Variants in SCFD2 observed in about 807,000 individuals in gnomAD.
SCFD2 encodes the protein sec1 family domain-containing protein 2.
A neutral mutation model predicts 58.9 loss-of-function variants in SCFD2; 54 were observed. The observed-to-expected ratio is 0.92, with a 90% CI of 0.74 to 1.15. SCFD2 has a LOEUF of 1.15. Ranked by LOEUF, SCFD2 falls within the 50% of genes most tolerant of loss-of-function variation. SCFD2 has a pLI of 0.00. For synonymous variants in SCFD2, 321 were observed against 335.9 expected, an observed-to-expected ratio of 0.96 and a Z score of 0.49; for missense variants, 805 against 836.6, an observed-to-expected ratio of 0.96 and a Z score of 0.47.
chr4:53,273,125 T>C (rs1731226169), intron 4 of SCFD2, among the ~76,000 whole-genome samples: 1 of 152,166 alleles, frequency 6.6e-6, no homozygotes, highest in Admixed American at 6.5e-5. Context: ...AAAGGATCCA[T>C]GATAAATATG....
intron 5 of SCFD2, chr4:52,948,351 C>A (rs1720496253): frequency 1.0e-5 from 3 of 289,114 alleles, no homozygotes; most frequent in Non-Finnish European, 2.1e-5. Flanking sequence ...AATGATGATG[C>A]AGCTGCGGCA....
At chr4:53,076,502 C>G (rs1326802229) in intron 5 of SCFD2, among the ~76,000 whole-genome samples, 1 of 152,038 alleles carries the variant, frequency 6.6e-6, no homozygotes, top group Admixed American at 6.6e-5. Context: ...CAGACTCATT[C>G]CCAAGCCACT....
intron 5 of SCFD2, among the ~76,000 whole-genome samples, chr4:53,013,179 T>C (rs1490918371): frequency 6.6e-6 from 1 of 152,208 alleles, no homozygotes; most frequent in Non-Finnish European, 1.5e-5. Flanking sequence ...CCTTTACACC[T>C]ACAGTACTTT....
intron 4 of SCFD2, among the ~76,000 whole-genome samples, chr4:53,220,310 T>C (rs1338524045): frequency 6.6e-6 from 1 of 152,236 alleles, no homozygotes; most frequent in Non-Finnish European, 1.5e-5. Context: ...TTATCATATA[T>C]ACCTATTAAT....
chr4:53,308,767 A>C (rs1165764835), intron 3 of SCFD2, among the ~76,000 whole-genome samples: 1 of 152,204 alleles, frequency 6.6e-6, no homozygotes. Flanking sequence ...TAAATGTTGA[A>C]ATTCAGAAAT....
At position 52,948,106 on chromosome 4, in the gene SCFD2, T is replaced by C. The variant is rs1016152854; in HGVS notation, c.1562-27236A>G. ...ATTTAAAGGTGTGATACTACCCAAA[T>C]CCATATGGGATACAGCAGAGGCTGG... On this transcript the variant is annotated intron_variant, in intron 5 of 8. Transcript: ENST00000401642. Among the ~76,000 whole-genome samples the C allele has an allele frequency of 1.6e-4, 24 of 151,226 alleles. 1 individual carries two copies. Among genetic ancestry groups the C allele is most frequent in the Admixed American group, 1.5e-3 (22 of 15,136 alleles).
At chr4:53,299,037 C>T (rs1732162994) in intron 3 of SCFD2, among the ~76,000 whole-genome samples, 1 of 152,172 alleles carries the variant, frequency 6.6e-6, no homozygotes. Context: ...AATCAGAGCG[C>T]TTCTACTCCT....
chr4:53,185,159 T>A (rs1195539289), intron 4 of SCFD2, among the ~76,000 whole-genome samples: 2 of 152,038 alleles, frequency 1.3e-5, no homozygotes, highest in Non-Finnish European at 2.9e-5. Flanking sequence ...GTAACAAAAT[T>A]CTTTTGAAAT....
Position 53,155,334 on chromosome 4 carries a change from G to T in SCFD2, c.1312-9752C>A, listed in dbSNP as rs142025773. On this transcript the variant is annotated intron_variant, in intron 4 of 8. Coordinates refer to ENST00000401642, the MANE Select transcript of SCFD2 (RefSeq NM_152540.4). ...TACCCTCATGGGTGGGACTGGTGCA[G>T]TTATAAAGCAGCAAATTCAGCCCTC... Among the ~76,000 whole-genome samples, 73 of 152,214 alleles carry T rather than the reference G, an allele frequency of 4.8e-4. 1 individual carries two copies. Among genetic ancestry groups the T allele is most frequent in the Non-Finnish European group, 6.5e-4 (44 of 68,050 alleles).
intron 5 of SCFD2, among the ~76,000 whole-genome samples, chr4:53,127,390 T>G (rs1361041452): frequency 6.6e-6 from 1 of 152,200 alleles, no homozygotes; most frequent in Non-Finnish European, 1.5e-5. Context: ...AAATATTTAT[T>G]AAGAGTCTTC....
intron 5 of SCFD2, among the ~76,000 whole-genome samples, chr4:53,064,008 C>T (rs1331614932): frequency 2.6e-5 from 4 of 151,998 alleles, no homozygotes; most frequent in Non-Finnish European, 4.4e-5. Context: ...TCTTTCTTTC[C>T]TTCCTTTTTA....
At chr4:53,206,913 G>A (rs1417731888) in intron 4 of SCFD2, among the ~76,000 whole-genome samples, 1 of 152,072 alleles carries the variant, frequency 6.6e-6, no homozygotes, top group Admixed American at 6.5e-5. Flanking sequence ...AGAATACAAA[G>A]ACTAAGTAAT....
At chr4:53,176,864 A>T (rs1302698127) in intron 4 of SCFD2, among the ~76,000 whole-genome samples, 1 of 151,140 alleles carries the variant, frequency 6.6e-6, no homozygotes, top group East Asian at 2.0e-4. Flanking sequence ...CAGGAGAATC[A>T]CTTGAACCCG....
At chr4:53,044,195 C>T (rs948558873) in intron 5 of SCFD2, among the ~76,000 whole-genome samples, 1 of 152,066 alleles carries the variant, frequency 6.6e-6, no homozygotes, top group Non-Finnish European at 1.5e-5. Flanking sequence ...AATCTTTAAT[C>T]CCCAATTCCC....
intron 5 of SCFD2, among the ~76,000 whole-genome samples, chr4:53,025,432 A>C (rs934747763): frequency 2.6e-5 from 4 of 152,226 alleles, no homozygotes; most frequent in Non-Finnish European, 4.4e-5. Context: ...CAAAGAAAAC[A>C]TATATTCTCC....
At chr4:52,880,587 G>A (rs1218854886) in intron 8 of SCFD2, among the ~76,000 whole-genome samples, 15 of 148,558 alleles carry the variant, frequency 1.0e-4, no homozygotes, top group Middle Eastern at 7.0e-3. Context: ...ACTGCCCTCC[G>A]GCCTGGGTGA....
intron 8 of SCFD2, among the ~76,000 whole-genome samples, chr4:52,878,603 T>C (rs1404179345): frequency 1.3e-5 from 2 of 152,162 alleles, no homozygotes; most frequent in Non-Finnish European, 2.9e-5. Flanking sequence ...TTCTAAAAAG[T>C]GGGCCCTAAA....
Position 53,012,385 on chromosome 4 carries a change from C to G in SCFD2, c.1562-91515G>C, listed in dbSNP as rs538753220. 4.5e-3 allele frequency among the ~76,000 whole-genome samples: 685 copies of G among 151,988 alleles called. 3 individuals are homozygous for G. The highest frequency in any genetic ancestry group is 7.1e-3 in the Non-Finnish European group (485 of 67,982). ...TCTCTCTCTCTCTCTCTCACACACA[C>G]ACACACACACACAAAAGGCAGGGAA... On this transcript the variant is annotated intron_variant, in intron 5 of 8. Coordinates refer to ENST00000401642, the MANE Select transcript of SCFD2 (RefSeq NM_152540.4).
intron 4 of SCFD2, among the ~76,000 whole-genome samples, chr4:53,236,808 T>TTTTATTTATTTA (rs141143179): frequency 1.4e-5 from 2 of 138,300 alleles, no homozygotes; most frequent in Non-Finnish European, 3.1e-5. Context: ...AAAGTCACTG[T>TTTTATTTATTTA]TTTATTTATT....
Sources: allele counts gnomAD v4.1 joint callset (sites outside exome capture counted in the v4.1 genomes callset), GRCh38; gene constraint gnomAD v4.1.1; transcripts MANE v1.5; gene names NCBI Gene and HGNC (gene_info 2026-07-23, HGNC 2026-07-21).